Variants in RB1CC1 observed in about 807,000 individuals in gnomAD.
The protein encoded by RB1CC1 is RB1-inducible coiled-coil protein 1.
In RB1CC1, 46 loss-of-function variants were observed where a neutral mutation model predicts 177.5. The observed-to-expected ratio is 0.26, with a 90% CI of 0.20 to 0.33. RB1CC1 has a LOEUF of 0.33. Among genes scored for constraint, RB1CC1 ranks in the 10% least tolerant of loss-of-function variants. RB1CC1 has a pLI of 1.00. For synonymous variants in RB1CC1, 666 were observed against 613.6 expected, an observed-to-expected ratio of 1.09 and a Z score of -1.26; for missense variants, 1,703 against 1,816.3, an observed-to-expected ratio of 0.94 and a Z score of 1.13.
intron 18 of RB1CC1, among the ~76,000 whole-genome samples, chr8:52,636,816 GCTATCC>G (rs1404971048): frequency 6.6e-6 from 1 of 152,174 alleles, no homozygotes; most frequent in Non-Finnish European, 1.5e-5. Flanking sequence ...ATCCAGCTAT[GCTATCC>G]CTGCACCATT....
chr8:52,710,585 T>C (rs1191481902), intron 1 of RB1CC1, among the ~76,000 whole-genome samples: 1 of 152,198 alleles, frequency 6.6e-6, no homozygotes, highest in Non-Finnish European at 1.5e-5. Context: ...TATCAGTACA[T>C]ATAAATGCAT....
At chr8:52,675,340 T>C (rs1019655777) in intron 6 of RB1CC1, among the ~76,000 whole-genome samples, 1 of 152,044 alleles carries the variant, frequency 6.6e-6, no homozygotes, top group African/African-American at 2.4e-5. Flanking sequence ...AACATGCTAC[T>C]TGCCTCTAAT....
At chr8:52,694,919 A>T (rs1341462917) in intron 1 of RB1CC1, among the ~76,000 whole-genome samples, 1 of 152,214 alleles carries the variant, frequency 6.6e-6, no homozygotes, top group African/African-American at 2.4e-5. Flanking sequence ...CAAAGATGTG[A>T]TTACTGGTGA....
intron 22 of RB1CC1, among the ~76,000 whole-genome samples, chr8:52,626,520 G>A (rs1287442958): frequency 6.6e-6 from 1 of 152,068 alleles, no homozygotes; most frequent in African/African-American, 2.4e-5. Flanking sequence ...TGCAAGTGGG[G>A]TAAAATGTTA....
intron 7 of RB1CC1, 25 bp downstream of exon 7, chr8:52,673,820 C>T (rs776297506): frequency 2.6e-6 from 4 of 1,558,448 alleles, no homozygotes; most frequent in Non-Finnish European, 3.5e-6. Flanking sequence ...AATGACAAAA[C>T]AAACATCAAA....
intron 5 of RB1CC1, among the ~76,000 whole-genome samples, chr8:52,679,396 T>A (rs773617655): frequency 1.3e-5 from 2 of 152,236 alleles, no homozygotes; most frequent in African/African-American, 4.8e-5. Flanking sequence ...CAAAGGCCTA[T>A]CTGCTTCCTC....
At chr8:52,706,536 T>C (rs997487124) in intron 1 of RB1CC1, among the ~76,000 whole-genome samples, 4 of 151,408 alleles carry the variant, frequency 2.6e-5, no homozygotes, top group African/African-American at 7.3e-5. Flanking sequence ...ATTGAGACCA[T>C]CCTGGCTAAC....
At chr8:52,690,506 G>A (rs192870971) in intron 1 of RB1CC1, among the ~76,000 whole-genome samples, 3 of 152,262 alleles carry the variant, frequency 2.0e-5, no homozygotes, top group East Asian at 3.9e-4. Flanking sequence ...TAGGAAGAAC[G>A]ACTTACTTTA....
chr8:52,671,272 A>C lies in RB1CC1; in HGVS notation c.1002+2573T>G, dbSNP rs118135641. On this transcript the variant is annotated intron_variant, in intron 7 of 23. Coordinates refer to ENST00000025008, the MANE Select transcript of RB1CC1 (RefSeq NM_014781.5). ...GAAAGACATTTTAATTTGCCAGTTG[A>C]AAGTACATGTTACAAAATACTGTTA... 9.9e-3 allele frequency among the ~76,000 whole-genome samples: 1,512 copies of C among 152,320 alleles called. 20 individuals carry two copies. Among genetic ancestry groups the C allele is most frequent in the Non-Finnish European group, 0.013 (894 of 68,032 alleles).
chr8:52,643,518 C>A lies in RB1CC1; in HGVS notation c.3988-706G>T, dbSNP rs531475125. The stretch of plus-strand genomic sequence containing the variant: ...GAGTTTGAGACCAGCCTGAGCAACA[C>A]AAGATCGAGTCTCTACAAAAATTAT... On this transcript the variant is annotated intron_variant, in intron 16 of 23. Coordinates refer to ENST00000025008, the MANE Select transcript of RB1CC1 (RefSeq NM_014781.5). 1.7e-3 allele frequency among the ~76,000 whole-genome samples: 252 copies of A among 150,872 alleles called. 1 individual carries two copies. In the Middle Eastern group the frequency reaches 0.031, roughly 18 times the overall value.
At chr8:52,655,328 T>A (rs565321867) in intron 15 of RB1CC1, among the ~76,000 whole-genome samples, 3 of 152,298 alleles carry the variant, frequency 2.0e-5, no homozygotes, top group African/African-American at 7.2e-5. Flanking sequence ...AATTGACATA[T>A]TAATTATGTT....
At chr8:52,697,005 C>CA (rs571952065) in intron 1 of RB1CC1, among the ~76,000 whole-genome samples, 67 of 151,632 alleles carry the variant, frequency 4.4e-4, no homozygotes, top group Non-Finnish European at 9.4e-4. Flanking sequence ...CGTCTCAAAA[C>CA]AAAAAACAAA....
At chr8:52,659,700 T>A (rs763443592) in intron 12 of RB1CC1, among the ~76,000 whole-genome samples, 6 of 152,140 alleles carry the variant, frequency 3.9e-5, no homozygotes, top group Non-Finnish European at 8.8e-5. Flanking sequence ...TAGAAACATG[T>A]TTAACAGCTA....
chr8:52,709,723 A>G (rs1369539367), intron 1 of RB1CC1, among the ~76,000 whole-genome samples: 1 of 152,252 alleles, frequency 6.6e-6, no homozygotes, highest in African/African-American at 2.4e-5. Context: ...CCTGGGCGAC[A>G]AAGTAAGACT....
chr8:52,657,756 A>G lies in RB1CC1; in HGVS notation c.2073T>C (p.Ser691=). ...CPAVCPLEEL[S]PDSIDAHTFD... Reference sequence around the variant, plus strand: ...ACGTATGTGCATCAATACTATCTGGAGATAATTCTTCTAAGGGACAAACTG... The same window carrying G: ...ACGTATGTGCATCAATACTATCTGGGGATAATTCTTCTAAGGGACAAACTG... Residue 691 remains serine (S), a synonymous_variant, in exon 15 of 24, where the codon TCT becomes TCC. Coordinates refer to ENST00000025008, the MANE Select transcript of RB1CC1 (RefSeq NM_014781.5). 6.2e-7 allele frequency: 1 copy of G among 1,613,954 alleles called. No homozygotes were observed.
At chr8:52,689,129 T>C (rs1335981895) in intron 1 of RB1CC1, among the ~76,000 whole-genome samples, 2 of 152,080 alleles carry the variant, frequency 1.3e-5, no homozygotes, top group Admixed American at 6.5e-5. Flanking sequence ...CAAATCCAAA[T>C]CAATCTCCTA....
chr8:52,676,690 T>C (rs941538477), intron 5 of RB1CC1, 119 bp from the exon 6 acceptor site: 23 of 894,910 alleles, frequency 2.6e-5, no homozygotes, highest in Middle Eastern at 3.1e-4. Context: ...TAACAAAGTA[T>C]TTCAAAGGAC....
chr8:52,624,852 C>T (rs1848270078), intron 22 of RB1CC1, 65 bp from the exon 23 acceptor site: 3 of 1,217,364 alleles, frequency 2.5e-6, no homozygotes, highest in South Asian at 3.2e-5. Context: ...GGAAACATAA[C>T]TGCCAGAATT....
intron 18 of RB1CC1, among the ~76,000 whole-genome samples, chr8:52,640,835 T>C (rs1262395049): frequency 6.6e-6 from 1 of 152,216 alleles, no homozygotes; most frequent in Non-Finnish European, 1.5e-5. Context: ...TTAAGCCTTA[T>C]ACCTTTCAAA....
Sources: allele counts gnomAD v4.1 joint callset (sites outside exome capture counted in the v4.1 genomes callset), GRCh38; gene constraint gnomAD v4.1.1; transcripts MANE v1.5; gene names NCBI Gene and HGNC (gene_info 2026-07-23, HGNC 2026-07-21).